STARD5: variants seen among roughly 807,000 people sequenced by gnomAD.
STARD5 encodes StAR related lipid transfer domain containing 5.
A neutral mutation model predicts 24.6 loss-of-function variants in STARD5; 26 were observed. The observed-to-expected ratio is 1.06, with a 90% CI of 0.77 to 1.47. The LOEUF is 1.47. STARD5 is among the 40% of genes most tolerant of loss of function. The pLI, the probability that STARD5 is intolerant of heterozygous loss-of-function variation, is 0.00. For synonymous variants in STARD5, 101 were observed against 99.7 expected, an observed-to-expected ratio of 1.01 and a Z score of -0.07; for missense variants, 254 against 270.8, an observed-to-expected ratio of 0.94 and a Z score of 0.44.
rs1180360345 is a variant in STARD5, at chr15:81,313,397, G to T, written c.501C>A (p.Pro167=). ...GCFCEPLPGE[P]TKTNLVTFFH... ...AGAATGTGACCAGGTTGGTCTTGGT[G>T]GGTTCCCTGTGAAGGCAACAGCAGA... The change falls in exon 6 of 6, where the codon CCC becomes CCA. Residue 167 remains proline (P), a synonymous_variant. Transcript: ENST00000302824. The T allele has an allele frequency of 1.9e-6, 3 of 1,547,232 alleles. No homozygotes were observed. The highest frequency in any genetic ancestry group is 2.6e-6 in the Non-Finnish European group (3 of 1,144,974).
chr15:81,314,500 A>G (rs1295032474), intron 5 of STARD5, among the ~76,000 whole-genome samples: 2 of 152,184 alleles, frequency 1.3e-5, no homozygotes, highest in Non-Finnish European at 2.9e-5. Context: ...ACTCAGCCTC[A>G]CCAGGAACCC....
In STARD5 at chr15:81,324,067, C is replaced by T; in HGVS notation, c.33G>A (p.Glu11=). 1.9e-6 allele frequency: 3 copies of T among 1,569,920 alleles called. No homozygotes were observed. The highest frequency in any genetic ancestry group is 1.7e-6 in the Non-Finnish European group (2 of 1,153,528). ...ACTGGAGCATCTTCTCGGCCACAGC[C>T]TCGCTCATCTGGGCTGCCAGCGCCG... MDPALAAQMS[E]AVAEKMLQYR... Residue 11 remains glutamate (E), a synonymous_variant, in exon 1 of 6, where the codon GAG becomes GAA. Coordinates refer to ENST00000302824, the MANE Select transcript of STARD5 (RefSeq NM_181900.3).
intron 3 of STARD5, among the ~76,000 whole-genome samples, chr15:81,320,308 C>T (rs1901171172): frequency 6.6e-6 from 1 of 152,200 alleles, no homozygotes. Flanking sequence ...ATCAGGGACA[C>T]TTTCGGCCTC....
At chr15:81,315,718 G>T (rs1901068369) in intron 5 of STARD5, among the ~76,000 whole-genome samples, 1 of 151,900 alleles carries the variant, frequency 6.6e-6, no homozygotes, top group Non-Finnish European at 1.5e-5. Flanking sequence ...GAGTCCTCTT[G>T]CCCTCTTGCT....
chr15:81,309,862 T>C lies in STARD5; in HGVS notation c.*3394A>G. ...TACGGTGTATGGTTCTGTGCCAATGTATTGATAAGAGGGCACACACTGTGT... is the reference window on the plus strand; with the variant it reads ...TACGGTGTATGGTTCTGTGCCAATGCATTGATAAGAGGGCACACACTGTGT... On this transcript the variant is annotated 3_prime_UTR_variant, in exon 6 of 6. Coordinates refer to ENST00000302824, the MANE Select transcript of STARD5 (RefSeq NM_181900.3). The C allele has an allele frequency of 6.6e-6, 1 of 152,262 alleles. No homozygotes were observed. Among genetic ancestry groups the C allele is most frequent in the Non-Finnish European group, 1.5e-5 (1 of 68,050 alleles). 9.4% of individuals were successfully genotyped at this position (152,262 alleles called of 1,614,324 possible). A position where few individuals can be genotyped will look rare whatever the true frequency, so the allele number is the denominator to read the frequency against.
At chr15:81,318,134 G>A (rs1484639759) in intron 5 of STARD5, among the ~76,000 whole-genome samples, 1 of 151,562 alleles carries the variant, frequency 6.6e-6, no homozygotes, top group African/African-American at 2.4e-5. Flanking sequence ...AATGGACCAT[G>A]ACATTTGCTT....
chr15:81,323,315 C>G (rs1018705463), intron 1 of STARD5: 2 of 335,980 alleles, frequency 6.0e-6, no homozygotes, highest in Non-Finnish European at 1.1e-5. Context: ...GGGGTTCATG[C>G]TGTAATGAAA....
At position 81,309,855 on chromosome 15, in the gene STARD5, G is replaced by A. The variant is rs964863769; in HGVS notation, c.*3401C>T. 6.6e-6 allele frequency: 1 copy of A among 152,238 alleles called. No individual in the cohort carries two copies. Among genetic ancestry groups the A allele is most frequent in the Non-Finnish European group, 1.5e-5 (1 of 68,046 alleles). The allele number at this position is 152,238 out of a possible 1,614,324, so 9.4% of individuals were successfully genotyped here. Reference sequence around the variant, plus strand: ...CAGCTTCTACGGTGTATGGTTCTGTGCCAATGTATTGATAAGAGGGCACAC... The same window carrying A: ...CAGCTTCTACGGTGTATGGTTCTGTACCAATGTATTGATAAGAGGGCACAC... On this transcript the variant is annotated 3_prime_UTR_variant, in exon 6 of 6. Coordinates refer to ENST00000302824, the MANE Select transcript of STARD5 (RefSeq NM_181900.3).
rs559511515 is a variant in STARD5, at chr15:81,313,248, C to T, written c.*8G>A. On this transcript the variant is annotated 3_prime_UTR_variant, in exon 6 of 6. Coordinates refer to ENST00000302824, the MANE Select transcript of STARD5 (RefSeq NM_181900.3). ...ACGGGAGTTCTTTGCCAAGAAGTAA[C>T]GATAGCATTACTCATGGAATTGCTT... 7.7e-6 allele frequency: 12 copies of T among 1,549,794 alleles called. No individual in the cohort carries two copies. Among genetic ancestry groups the T allele is most frequent in the Non-Finnish European group, 8.7e-6 (10 of 1,146,166 alleles).
chr15:81,313,828 T>C (rs1023669299), intron 5 of STARD5: 1 of 153,208 alleles, frequency 6.5e-6, no homozygotes, highest in Non-Finnish European at 1.5e-5. Context: ...ACACTATTTT[T>C]ATAACAACAC....
intron 4 of STARD5, 30 bp downstream of exon 4, chr15:81,319,309 G>T: frequency 6.4e-7 from 1 of 1,574,158 alleles, no homozygotes; most frequent in South Asian, 1.1e-5. Flanking sequence ...ATCGCAGGAA[G>T]GCATGGCAGC....
rs1900751137 is a variant in STARD5, at chr15:81,309,648, G to C, written c.*3608C>G. The C allele has an allele frequency of 6.6e-6, 1 of 152,204 alleles. No individual in the cohort carries two copies. The highest frequency in any genetic ancestry group is 6.5e-5 in the Admixed American group (1 of 15,280). The allele number at this position is 152,204 out of a possible 1,614,324, so 9.4% of individuals were successfully genotyped here. A position where few individuals can be genotyped will look rare whatever the true frequency, so the allele number is the denominator to read the frequency against. On this transcript the variant is annotated 3_prime_UTR_variant, in exon 6 of 6. Transcript: ENST00000302824. ...GGATTGGAGAAGTAATCCTAGGGAAGGGTGGTGGAGCCAGTAAACAGAGGA... is the reference window on the plus strand; with the variant it reads ...GGATTGGAGAAGTAATCCTAGGGAACGGTGGTGGAGCCAGTAAACAGAGGA...
intron 4 of STARD5, 82 bp from the exon 5 acceptor site, chr15:81,318,584 AC>A: frequency 1.6e-6 from 2 of 1,242,688 alleles, no homozygotes; most frequent in Non-Finnish European, 2.3e-6. Context: ...GAGCACACAG[AC>A]CAGACTACCT....
At chr15:81,321,320 A>G (rs985184040) in intron 3 of STARD5, among the ~76,000 whole-genome samples, 2 of 152,130 alleles carry the variant, frequency 1.3e-5, no homozygotes, top group African/African-American at 4.8e-5. Context: ...TTTAAAAAAC[A>G]ATTAGTCTTG....
At chr15:81,313,980 A>G (rs1021658580) in intron 5 of STARD5, 1 of 152,192 alleles carries the variant, frequency 6.6e-6, no homozygotes, top group Non-Finnish European at 1.5e-5. Flanking sequence ...GCAAAAATAT[A>G]AAAACAATGC....
intron 1 of STARD5, 83 bp from the exon 2 acceptor site, chr15:81,323,031 G>C: frequency 6.7e-7 from 1 of 1,491,152 alleles, no homozygotes; most frequent in South Asian, 1.2e-5. Context: ...TACAGAAGAG[G>C]GGTAAGAGGC....
In STARD5 at chr15:81,312,400, C is replaced by CA. The variant is rs1366968431; in HGVS notation, c.*855dup. 1 of 152,230 alleles carries CA rather than the reference C, an allele frequency of 6.6e-6. No individual in the cohort carries two copies. The highest frequency in any genetic ancestry group is 1.5e-5 in the Non-Finnish European group (1 of 68,060). 9.4% of individuals were successfully genotyped at this position (152,230 alleles called of 1,614,324 possible). A position where few individuals can be genotyped will look rare whatever the true frequency, so the allele number is the denominator to read the frequency against. On this transcript the variant is annotated 3_prime_UTR_variant, in exon 6 of 6. Coordinates refer to ENST00000302824, the MANE Select transcript of STARD5 (RefSeq NM_181900.3). ...GATGGCCTGGCCAGGGCCTGGAAGA[C>CA]AGAGACCTCCTGCCTCCGCCTCAGT...
chr15:81,318,872 A>G (rs965691430), intron 4 of STARD5, among the ~76,000 whole-genome samples: 1 of 152,228 alleles, frequency 6.6e-6, no homozygotes, highest in Non-Finnish European at 1.5e-5. Flanking sequence ...GCCTCTCTCA[A>G]ATCTCAGCCA....
intron 2 of STARD5, 166 bp from the exon 3 acceptor site, chr15:81,322,706 G>T: frequency 7.7e-7 from 1 of 1,296,474 alleles, no homozygotes; most frequent in Non-Finnish European, 1.1e-6. Context: ...CTTCAGGCCT[G>T]CAGAAATGGA....
Sources: allele counts gnomAD v4.1 joint callset (sites outside exome capture counted in the v4.1 genomes callset), GRCh38; gene constraint gnomAD v4.1.1; transcripts MANE v1.5; gene names NCBI Gene and HGNC (gene_info 2026-07-23, HGNC 2026-07-21).